The following NRGN variants were observed in gnomAD, a reference collection of about 807,000 sequenced individuals.
The protein encoded by NRGN is neurogranin, also known as calmodulin-binding protein.
For synonymous variants in NRGN, 47 were observed against 52.8 expected (o/e 0.89, Z 0.47); for missense variants, 82 against 123.0 (o/e 0.67, Z 1.58).
In NRGN at chr11:124,744,724, A is replaced by G. The variant is rs529436161; in HGVS notation, c.16-779A>G. 4 of 152,370 alleles carry G rather than the reference A, an allele frequency of 2.6e-5. No homozygotes were observed. In the South Asian group the frequency reaches 8.3e-4, roughly 32 times the overall value. The allele number at this position is 152,370 out of a possible 1,614,324, so 9.4% of individuals were successfully genotyped here. On this transcript the variant is annotated intron_variant, in intron 1 of 3. Transcript: ENST00000284292. ...GCACCTGGAACAAGGTAAGTGCTTA[A>G]GTGGTAGCTATCACCATAATTCCCT...
intron 1 of NRGN, among the ~76,000 whole-genome samples, chr11:124,741,004 T>C (rs1384190894): frequency 6.6e-6 from 1 of 152,234 alleles, no homozygotes; most frequent in Non-Finnish European, 1.5e-5. Context: ...GGTTACTGAC[T>C]TTGCCACCTT....
At position 124,745,657 on chromosome 11, in the gene NRGN, G is replaced by T; in HGVS notation, c.170G>T (p.Gly57Val). 3 of 1,521,274 alleles carry T rather than the reference G, an allele frequency of 2.0e-6. No homozygotes were observed. Among genetic ancestry groups the T allele is most frequent in the Non-Finnish European group, 1.8e-6 (2 of 1,139,430 alleles). 94.2% of individuals were successfully genotyped at this position (1,521,274 alleles called of 1,614,324 possible). Residue 57 changes from glycine to valine, a missense_variant, in exon 2 of 4, where the codon GGC becomes GTC. Coordinates refer to ENST00000284292, the MANE Select transcript of NRGN (RefSeq NM_006176.3). This position sits in a 1 kb window ranked among gnomAD's most constrained non-coding sequence, Gnocchi z 6.4. ...KSGERGRKGP[G>V]PGGPGGAGVA... The stretch of plus-strand genomic sequence containing the variant: ...GGAGAGCGCGGCCGGAAGGGCCCGG[G>T]CCCTGGGGGGCCTGGCGGAGCTGGG...
Position 124,745,480 on chromosome 11 carries a change from G to T in NRGN, c.16-23G>T. 1 of 1,540,106 alleles carries T rather than the reference G, an allele frequency of 6.5e-7. No homozygotes were observed. ...GGATCAAGACCCAGTGACCCCACAA[G>T]AACCCCCCTGCTTCGCCCCCAGGAG... On this transcript the variant is annotated intron_variant, in intron 1 of 3. Coordinates refer to ENST00000284292, the MANE Select transcript of NRGN (RefSeq NM_006176.3). This position sits in a 1 kb window ranked among gnomAD's most constrained non-coding sequence, Gnocchi z 6.4.
chr11:124,745,284 G>C lies in NRGN; in HGVS notation c.16-219G>C, dbSNP rs984377585. 2.0e-5 allele frequency among the ~76,000 whole-genome samples: 3 copies of C among 152,046 alleles called. No homozygotes were observed. Among genetic ancestry groups the C allele is most frequent in the Non-Finnish European group, 4.4e-5 (3 of 68,010 alleles). Reference sequence around the variant, plus strand: ...TGCCTGCACTTCTCTTTCCTGAATTGAGACATGACTGTCCACCTGGCCCTG... The same window carrying C: ...TGCCTGCACTTCTCTTTCCTGAATTCAGACATGACTGTCCACCTGGCCCTG... On this transcript the variant is annotated intron_variant, in intron 1 of 3. Transcript: ENST00000284292. This position sits in a 1 kb window ranked among gnomAD's most constrained non-coding sequence, Gnocchi z 6.4.
In NRGN at chr11:124,745,523, G is replaced by C; in HGVS notation, c.36G>C (p.Pro12=). 1 of 1,597,914 alleles carries C rather than the reference G, an allele frequency of 6.3e-7. No individual in the cohort carries two copies. The highest frequency in any genetic ancestry group is 8.5e-7 in the Non-Finnish European group (1 of 1,173,946). Residue 12 remains proline, a synonymous_variant, in exon 2 of 4, where the codon CCG becomes CCC. Transcript: ENST00000284292. This position sits in a 1 kb window ranked among gnomAD's most constrained non-coding sequence, Gnocchi z 6.4. ...DCCTENACSK[P]DDDILDIPLD... Reference sequence around the variant, plus strand: ...CCCAGGAGAACGCCTGCTCCAAGCCGGACGACGACATTCTAGACATCCCGC... The same window carrying C: ...CCCAGGAGAACGCCTGCTCCAAGCCCGACGACGACATTCTAGACATCCCGC...
chr11:124,744,357 C>T (rs1591422226), intron 1 of NRGN, among the ~76,000 whole-genome samples: 1 of 152,214 alleles, frequency 6.6e-6, no homozygotes, highest in African/African-American at 2.4e-5. Context: ...TTCCCCACGA[C>T]CCATAGAGGT....
In NRGN at chr11:124,740,971, G is replaced by A. The variant is rs1943961695; in HGVS notation, c.15+872G>A. On this transcript the variant is annotated intron_variant, in intron 1 of 3. Coordinates refer to ENST00000284292, the MANE Select transcript of NRGN (RefSeq NM_006176.3). This position sits in a 1 kb window ranked among gnomAD's most constrained non-coding sequence, Gnocchi z 7.5. ...AAGTCCTTGTATTTTCAGTCATTCAGTCAACCAGCTAATGATACACGAGGT... is the reference window on the plus strand; with the variant it reads ...AAGTCCTTGTATTTTCAGTCATTCAATCAACCAGCTAATGATACACGAGGT... 6.6e-6 allele frequency among the ~76,000 whole-genome samples: 1 copy of A among 152,236 alleles called. No individual in the cohort carries two copies.
Position 124,740,016 on chromosome 11 carries a change from G to A in NRGN, c.-69G>A, listed in dbSNP as rs1454344185. 5 of 679,910 alleles carry A rather than the reference G, an allele frequency of 7.4e-6. No individual in the cohort carries two copies. In the African/African-American group the frequency reaches 7.6e-5, roughly 10 times the overall value. The allele number at this position is 679,910 out of a possible 1,614,324, so 42.1% of individuals were successfully genotyped here. ...GCCGACTGCCCCAGAGCCCCCACCC[G>A]GCACCACACAGACCCCACCCCCGCC... On this transcript the variant is annotated 5_prime_UTR_variant, in exon 1 of 4. Transcript: ENST00000284292. This position sits in a 1 kb window ranked among gnomAD's most constrained non-coding sequence, Gnocchi z 7.5.
rs1462450423 is a variant in NRGN, at chr11:124,740,997, T to A, written c.15+898T>A. ...TCAACCAGCTAATGATACACGAGGT[T>A]ACTGACTTTGCCACCTTATGGCATA... On this transcript the variant is annotated intron_variant, in intron 1 of 3. Coordinates refer to ENST00000284292, the MANE Select transcript of NRGN (RefSeq NM_006176.3). The surrounding 1 kb of genome is among the most constrained non-coding windows in gnomAD (Gnocchi z 7.5). Among the ~76,000 whole-genome samples the A allele has an allele frequency of 6.6e-6, 1 of 152,234 alleles. No individual in the cohort carries two copies. The highest frequency in any genetic ancestry group is 1.5e-5 in the Non-Finnish European group (1 of 68,036).
chr11:124,740,889 AATTT>A lies in NRGN; in HGVS notation c.15+795_15+798del, dbSNP rs1357606366. Among the ~76,000 whole-genome samples, 3 of 152,234 alleles carry A rather than the reference AATTT, an allele frequency of 2.0e-5. No individual in the cohort carries two copies. Among genetic ancestry groups the A allele is most frequent in the Non-Finnish European group, 2.9e-5 (2 of 68,046 alleles). ...GAGTACAGTGATCATACGTATATGAAATTTATTTGTTTGCTTATTTATTTTTTGC... is the reference window on the plus strand; with the variant it reads ...GAGTACAGTGATCATACGTATATGAAATTTGTTTGCTTATTTATTTTTTGC... On this transcript the variant is annotated intron_variant, in intron 1 of 3. Transcript: ENST00000284292. The surrounding 1 kb of genome is among the most constrained non-coding windows in gnomAD (Gnocchi z 7.5).
intron 1 of NRGN, among the ~76,000 whole-genome samples, chr11:124,743,036 A>G (rs12293670): frequency 0.43 from 64,619 of 152,028 alleles, 16,037 homozygotes; most frequent in African/African-American, 0.7. Flanking sequence ...GGCTTTGGAA[A>G]GCACCAGCCA....
chr11:124,745,798 A>C lies in NRGN; in HGVS notation c.*5+69A>C. 5.7e-6 allele frequency: 5 copies of C among 882,000 alleles called. No homozygotes were observed. The highest frequency in any genetic ancestry group is 7.7e-6 in the Non-Finnish European group (5 of 646,100). 54.6% of individuals were successfully genotyped at this position (882,000 alleles called of 1,614,324 possible). A position where few individuals can be genotyped will look rare whatever the true frequency, so the allele number is the denominator to read the frequency against. On this transcript the variant is annotated intron_variant, in intron 2 of 3. Transcript: ENST00000284292. This position sits in a 1 kb window ranked among gnomAD's most constrained non-coding sequence, Gnocchi z 6.4. ...AGCCCTCCCCAGGAGCAGGGGGAGA[A>C]TAAGGGCGGGTTGGAGGTGCAGGGG...
Position 124,745,703 on chromosome 11 carries a change from C to T in NRGN, c.216C>T (p.Gly72=). The T allele has an allele frequency of 7.1e-7, 1 of 1,399,064 alleles. No individual in the cohort carries two copies. Among genetic ancestry groups the T allele is most frequent in the Non-Finnish European group, 9.2e-7 (1 of 1,083,076 alleles). The allele number at this position is 1,399,064 out of a possible 1,614,324, so 86.7% of individuals were successfully genotyped here. A position where few individuals can be genotyped will look rare whatever the true frequency, so the allele number is the denominator to read the frequency against. Residue 72 remains glycine (G), a synonymous_variant, in exon 2 of 4, where the codon GGC becomes GGT. Transcript: ENST00000284292. This position sits in a 1 kb window ranked among gnomAD's most constrained non-coding sequence, Gnocchi z 6.4. ...CTGGGGTGGCCCGGGGAGGCGCGGG[C>T]GGCGGCCCCAGCGGAGACTAGGCCA... is the stretch of plus-strand genomic sequence containing the variant. ...GGAGVARGGA[G]GGPSGD
rs750140753 is a variant in NRGN, at chr11:124,740,039, G to A, written c.-46G>A. 1,434 of 599,574 alleles carry A rather than the reference G, an allele frequency of 2.4e-3. 3 individuals carry two copies. Among genetic ancestry groups the A allele is most frequent in the Non-Finnish European group, 2.6e-3 (1,090 of 423,598 alleles). 37.1% of individuals were successfully genotyped at this position (599,574 alleles called of 1,614,324 possible). A position where few individuals can be genotyped will look rare whatever the true frequency, so the allele number is the denominator to read the frequency against. ...CCGGCACCACACAGACCCCACCCCCGCCCTGCGCCAGCCTTCGTCCCCGCA... is the reference window on the plus strand; with the variant it reads ...CCGGCACCACACAGACCCCACCCCCACCCTGCGCCAGCCTTCGTCCCCGCA... On this transcript the variant is annotated 5_prime_UTR_variant, in exon 1 of 4. Coordinates refer to ENST00000284292, the MANE Select transcript of NRGN (RefSeq NM_006176.3). The surrounding 1 kb of genome is among the most constrained non-coding windows in gnomAD (Gnocchi z 7.5).
In NRGN at chr11:124,745,473, C is replaced by G; in HGVS notation, c.16-30C>G. On this transcript the variant is annotated intron_variant, in intron 1 of 3. Coordinates refer to ENST00000284292, the MANE Select transcript of NRGN (RefSeq NM_006176.3). This position sits in a 1 kb window ranked among gnomAD's most constrained non-coding sequence, Gnocchi z 6.4. ...CTCCCGCGGATCAAGACCCAGTGAC[C>G]CCACAAGAACCCCCCTGCTTCGCCC... The G allele has an allele frequency of 6.6e-7, 1 of 1,521,706 alleles. No individual in the cohort carries two copies. The allele number at this position is 1,521,706 out of a possible 1,614,324, so 94.3% of individuals were successfully genotyped here.
chr11:124,743,260 G>T (rs1943980170), intron 1 of NRGN, among the ~76,000 whole-genome samples: 1 of 152,218 alleles, frequency 6.6e-6, no homozygotes, highest in African/African-American at 2.4e-5. Context: ...AGCAGGTCGG[G>T]TCTAGCGTGG....
At chr11:124,743,058 C>G (rs1332162637) in intron 1 of NRGN, among the ~76,000 whole-genome samples, 1 of 152,208 alleles carries the variant, frequency 6.6e-6, no homozygotes, top group Non-Finnish European at 1.5e-5. Context: ...GCACCATGAC[C>G]AATGAACCTC....
At chr11:124,742,658 C>A (rs967667227) in intron 1 of NRGN, among the ~76,000 whole-genome samples, 1 of 152,142 alleles carries the variant, frequency 6.6e-6, no homozygotes, top group African/African-American at 2.4e-5. Flanking sequence ...GCTACTGAAT[C>A]CCATCACTTC....
At position 124,746,635 on chromosome 11, in the gene NRGN, A is replaced by C. The variant is rs1329658985; in HGVS notation, c.*255A>C. On this transcript the variant is annotated 3_prime_UTR_variant, in exon 4 of 4. Transcript: ENST00000284292. ...CTTCCACTCCACCCCACCCTAAACCATGCGCTCCCAATCTTCCTTCTTTTG... is the reference window on the plus strand; with the variant it reads ...CTTCCACTCCACCCCACCCTAAACCCTGCGCTCCCAATCTTCCTTCTTTTG... The C allele has an allele frequency of 6.6e-6, 1 of 152,452 alleles. No individual in the cohort carries two copies. The highest frequency in any genetic ancestry group is 2.4e-5 in the African/African-American group (1 of 41,322). The allele number at this position is 152,452 out of a possible 1,614,324, so 9.4% of individuals were successfully genotyped here. A position where few individuals can be genotyped will look rare whatever the true frequency, so the allele number is the denominator to read the frequency against.
Sources: allele counts gnomAD v4.1 joint callset (sites outside exome capture counted in the v4.1 genomes callset), GRCh38; gene constraint gnomAD v4.1.1; non-coding constraint Gnocchi (gnomAD v3.1); transcripts MANE v1.5; gene names NCBI Gene and HGNC (gene_info 2026-07-23, HGNC 2026-07-21).